The following ERC2 variants were observed in gnomAD, a reference collection of about 807,000 sequenced individuals.
The protein encoded by ERC2 is ERC protein 2.
A neutral mutation model predicts 114.8 loss-of-function variants in ERC2; 42 were observed. The ratio of observed to expected loss-of-function variants is 0.37; its 90% CI spans 0.29 to 0.47. ERC2 has a LOEUF of 0.47. ERC2 is among the 20% of genes least tolerant of loss of function. The probability of loss-of-function intolerance (pLI) is 0.99; values close to 1 mark genes in which losing one functional copy is unlikely to be tolerated. For synonymous variants in ERC2, 454 were observed against 425.5 expected, an observed-to-expected ratio of 1.07 and a Z score of -0.82; for missense variants, 939 against 1,150.7, an observed-to-expected ratio of 0.82 and a Z score of 2.66.
At chr3:55,888,203 T>C (rs916797093) in intron 14 of ERC2, among the ~76,000 whole-genome samples, 186 bp downstream of exon 14, 8 of 152,156 alleles carry the variant, frequency 5.3e-5, no homozygotes, top group African/African-American at 1.7e-4. Flanking sequence ...ATGTGAGAAA[T>C]GTGCAAATTG....
chr3:56,270,312 A>G (rs868418128), intron 3 of ERC2, among the ~76,000 whole-genome samples: 2 of 152,242 alleles, frequency 1.3e-5, no homozygotes, highest in Non-Finnish European at 2.9e-5. Context: ...TTTTCCCAAG[A>G]GAGTAGATAC....
At chr3:55,983,563 G>C (rs1016889509) in intron 12 of ERC2, among the ~76,000 whole-genome samples, 3 of 151,964 alleles carry the variant, frequency 2.0e-5, no homozygotes, top group African/African-American at 7.3e-5. Flanking sequence ...AAGCATGAGA[G>C]TCTACATAGA....
intron 6 of ERC2, among the ~76,000 whole-genome samples, chr3:56,097,563 C>T (rs1182204432): frequency 2.0e-5 from 3 of 152,100 alleles, no homozygotes; most frequent in Admixed American, 6.6e-5. Context: ...TTGTATTACT[C>T]TTGAGGCAGT....
At position 55,627,141 on chromosome 3, in the gene ERC2, C is replaced by T. The variant is rs541953721; in HGVS notation, c.*39+56653G>A. ...ACAAACTGAAACTTGGCTTCAGCTC[C>T]ACAAAACTGTTGGGTCCACTCTTTC... On this transcript the variant is annotated intron_variant, in intron 17 of 17. Transcript: ENST00000288221. Among the ~76,000 whole-genome samples, 23 of 152,314 alleles carry T rather than the reference C, an allele frequency of 1.5e-4. 1 individual carries two copies. In the South Asian group the frequency reaches 4.4e-3, roughly 29 times the overall value.
At chr3:55,604,063 T>A (rs1409887371) in intron 17 of ERC2, among the ~76,000 whole-genome samples, 1 of 152,170 alleles carries the variant, frequency 6.6e-6, no homozygotes. Flanking sequence ...AATGAAAATA[T>A]ATTACACTAA....
intron 14 of ERC2, among the ~76,000 whole-genome samples, chr3:55,861,858 A>T (rs1336710354): frequency 2.0e-5 from 3 of 152,186 alleles, no homozygotes; most frequent in Non-Finnish European, 2.9e-5. Context: ...ACTTGGGGAG[A>T]ATATTCTCTC....
intron 12 of ERC2, among the ~76,000 whole-genome samples, chr3:55,952,813 A>C (rs1235939266): frequency 6.6e-6 from 1 of 152,162 alleles, no homozygotes; most frequent in Non-Finnish European, 1.5e-5. Flanking sequence ...CAGTGACCTT[A>C]CTTTCAGGGA....
chr3:56,355,980 A>T (rs2058733003), intron 2 of ERC2, among the ~76,000 whole-genome samples: 1 of 152,190 alleles, frequency 6.6e-6, no homozygotes. Context: ...TAGTGAGACC[A>T]TATACAGAAG....
At chr3:56,075,346 CA>C (rs1431371695) in intron 7 of ERC2, among the ~76,000 whole-genome samples, 7 of 152,108 alleles carry the variant, frequency 4.6e-5, no homozygotes, top group Non-Finnish European at 8.8e-5. Context: ...CAGCCGTCAA[CA>C]GAAAAGACAG....
chr3:56,428,683 A>C (rs965145804), intron 2 of ERC2, among the ~76,000 whole-genome samples: 1 of 152,238 alleles, frequency 6.6e-6, no homozygotes, highest in Non-Finnish European at 1.5e-5. Context: ...CAAAATAAGA[A>C]TCAATAAATC....
chr3:55,613,123 T>G (rs918454270), intron 17 of ERC2: 7 of 152,342 alleles, frequency 4.6e-5, no homozygotes, highest in African/African-American at 1.7e-4. Context: ...ATGAATTATT[T>G]TCCTAGTTTT....
At chr3:56,304,334 T>G (rs2056084708) in intron 2 of ERC2, among the ~76,000 whole-genome samples, 1 of 152,164 alleles carries the variant, frequency 6.6e-6, no homozygotes, top group Non-Finnish European at 1.5e-5. Context: ...CCAACAAATT[T>G]TGAAATGTCA....
At chr3:55,633,195 G>A (rs939327082) in intron 17 of ERC2, among the ~76,000 whole-genome samples, 1 of 152,180 alleles carries the variant, frequency 6.6e-6, no homozygotes, top group Non-Finnish European at 1.5e-5. Flanking sequence ...AAAGCACCCA[G>A]ATAACATAAT....
chr3:55,997,904 TTTTGTGTGTGTGTGTGTG>T (rs2071685646), intron 10 of ERC2, among the ~76,000 whole-genome samples: 8 of 46,472 alleles, frequency 1.7e-4, no homozygotes, highest in Middle Eastern at 0.024. Context: ...TTTTTTTTTT[TTTTGTGTGTGTGTGTGTG>T]TTTTTTGTTT....
intron 14 of ERC2, among the ~76,000 whole-genome samples, chr3:55,834,542 A>C (rs1045712438): frequency 2.6e-5 from 4 of 152,040 alleles, no homozygotes; most frequent in African/African-American, 9.7e-5. Context: ...GGCAGAAATA[A>C]AGATGTTCTT....
At chr3:55,748,882 T>C (rs185778586) in intron 14 of ERC2, among the ~76,000 whole-genome samples, 2 of 152,216 alleles carry the variant, frequency 1.3e-5, no homozygotes, top group Admixed American at 6.5e-5. Flanking sequence ...CAATTGAATA[T>C]CAGAAATTTT....
In ERC2 at chr3:55,808,742, T is replaced by TATAA. The variant is rs1455596885; in HGVS notation, c.2565-73825_2565-73824insTTAT. ...ATATATATATATATATATATATATA[T>TATAA]AACGTATAACTAAACATATATATAT... On this transcript the variant is annotated intron_variant, in intron 14 of 17. Coordinates refer to ENST00000288221, the MANE Select transcript of ERC2 (RefSeq NM_015576.3). Among the ~76,000 whole-genome samples, 326 of 100,328 alleles carry TATAA rather than the reference T, an allele frequency of 3.2e-3. 5 individuals are homozygous for TATAA. The highest frequency in any genetic ancestry group is 6.7e-3 in the African/African-American group (154 of 22,840). 65.8% of individuals were successfully genotyped at this position (100,328 alleles called of 152,430 possible). A position where few individuals can be genotyped will look rare whatever the true frequency, so the allele number is the denominator to read the frequency against.
chr3:56,173,504 C>T lies in ERC2; in HGVS notation c.1091G>A (p.Ser364Asn). The change falls in exon 4 of 18, where the codon AGC (serine) becomes AAC (asparagine). Residue 364 changes from serine to asparagine, a missense_variant. Ser to Asn is a conservative substitution (Grantham distance 46). Coordinates refer to ENST00000288221, the MANE Select transcript of ERC2 (RefSeq NM_015576.3). The stretch of plus-strand genomic sequence containing the variant: ...CTTGGCTGGCTCCGGCTGAAGTTGG[C>T]TTCTTCGGTGCAATTCCTGGGGAGG... ...IHLREELHRR[S>N]QLQPEPAKTK... 4 of 1,613,940 alleles carry T rather than the reference C, an allele frequency of 2.5e-6. No individual in the cohort carries two copies. The highest frequency in any genetic ancestry group is 3.4e-6 in the Non-Finnish European group (4 of 1,179,842).
At chr3:55,802,448 A>G (rs1422988309) in intron 14 of ERC2, among the ~76,000 whole-genome samples, 1 of 152,232 alleles carries the variant, frequency 6.6e-6, no homozygotes, top group Non-Finnish European at 1.5e-5. Context: ...GTCATTTTTT[A>G]TAAGCACAAA....
Sources: gnomAD v4.1 joint callset for allele counts (sites outside exome capture counted in the v4.1 genomes callset) on GRCh38, gnomAD v4.1.1 for gene constraint, MANE v1.5 for transcripts, NCBI Gene and HGNC (gene_info 2026-07-23, HGNC 2026-07-21) for gene names.